MPPED2: variants seen among roughly 807,000 people sequenced by gnomAD.
MPPED2 encodes metallophosphoesterase MPPED2.
Under a neutral mutation model 33.0 loss-of-function variants are expected in MPPED2, and 5 were observed. That is an observed-to-expected ratio of 0.15 (90% CI 0.08 to 0.32). The LOEUF (loss-of-function observed/expected upper bound fraction) is 0.32. MPPED2 is among the 10% of genes least tolerant of loss of function. The pLI is 1.00. For synonymous variants in MPPED2, 136 were observed against 141.9 expected (o/e 0.96, Z 0.29); for missense variants, 275 against 372.1 (o/e 0.74, Z 2.15).
chr11:30,528,694 A>G (rs940679691), intron 3 of MPPED2, among the ~76,000 whole-genome samples: 5 of 152,274 alleles, frequency 3.3e-5, no homozygotes, highest in African/African-American at 1.2e-4. Flanking sequence ...CCTGGGCTCA[A>G]GTGATCCTTA....
intron 3 of MPPED2, among the ~76,000 whole-genome samples, chr11:30,496,224 C>T (rs897726519): frequency 1.3e-5 from 2 of 152,014 alleles, no homozygotes; most frequent in African/African-American, 2.4e-5. Flanking sequence ...CAAAAGTTTC[C>T]TGATCAAAAT....
chr11:30,482,622 C>T (rs1951540185), intron 4 of MPPED2, among the ~76,000 whole-genome samples: 1 of 152,004 alleles, frequency 6.6e-6, no homozygotes, highest in Non-Finnish European at 1.5e-5. Context: ...CTTTTTTGGT[C>T]TCGTTCAGAT....
At chr11:30,570,803 T>C (rs1040706057) in intron 2 of MPPED2, among the ~76,000 whole-genome samples, 1 of 152,232 alleles carries the variant, frequency 6.6e-6, no homozygotes, top group African/African-American at 2.4e-5. Flanking sequence ...TGAAACTTGG[T>C]CCTTGGCCCA....
chr11:30,512,425 A>C (rs1035604410), intron 3 of MPPED2, among the ~76,000 whole-genome samples: 10 of 152,306 alleles, frequency 6.6e-5, no homozygotes, highest in Middle Eastern at 6.8e-3. Flanking sequence ...AGTGGGGTCA[A>C]GGGAAAACTT....
chr11:30,465,969 C>A (rs1016680347), intron 4 of MPPED2, among the ~76,000 whole-genome samples: 2 of 152,194 alleles, frequency 1.3e-5, no homozygotes, highest in East Asian at 1.9e-4. Flanking sequence ...ATAGTAATTA[C>A]AAGGCCTTCC....
chr11:30,527,972 C>A (rs146276945), intron 3 of MPPED2, among the ~76,000 whole-genome samples: 123 of 152,334 alleles, frequency 8.1e-4, no homozygotes, highest in African/African-American at 2.9e-3. Flanking sequence ...AACTTCACAG[C>A]AATCTTTAGA....
At chr11:30,474,488 G>A (rs558784) in intron 4 of MPPED2, among the ~76,000 whole-genome samples, 16 of 152,078 alleles carry the variant, frequency 1.1e-4, no homozygotes, top group African/African-American at 2.4e-4. Context: ...GTGTGGTACC[G>A]ATGGGGTCCA....
In MPPED2 at chr11:30,574,150, G is replaced by A. The variant is rs571257543; in HGVS notation, c.128+6096C>T. Among the ~76,000 whole-genome samples the A allele has an allele frequency of 4.6e-5, 7 of 152,198 alleles. No individual in the cohort carries two copies. The East Asian group carries it at 9.7e-4, about 21-fold the overall frequency. On this transcript the variant is annotated intron_variant, in intron 2 of 6. Coordinates refer to ENST00000358117, the MANE Select transcript of MPPED2 (RefSeq NM_001584.3). ...TCCTAGGCCTTCACATTTACTCACC[G>A]CTGACTCACTGACTCACTCAGAGCA...
At chr11:30,478,177 A>G (rs1268079548) in intron 4 of MPPED2, among the ~76,000 whole-genome samples, 1 of 151,898 alleles carries the variant, frequency 6.6e-6, no homozygotes, top group Non-Finnish European at 1.5e-5. Flanking sequence ...GCTTCTGTGC[A>G]CCTCCAAAGC....
rs561138300 is a variant in MPPED2 at position 30,567,003 on chromosome 11, C to T, written c.128+13243G>A. ...ACATTCTTTTGTGACTCAAAGTTTA[C>T]GGCCACGGATCAGCCTGTTGTTCTC... On this transcript the variant is annotated intron_variant, in intron 2 of 6. Transcript: ENST00000358117. 7.2e-5 allele frequency among the ~76,000 whole-genome samples: 11 copies of T among 152,254 alleles called. No homozygotes were observed. In the South Asian group the frequency reaches 1.2e-3, roughly 17 times the overall value.
chr11:30,444,864 C>T (rs749463379), intron 4 of MPPED2, among the ~76,000 whole-genome samples: 8 of 152,212 alleles, frequency 5.3e-5, no homozygotes, highest in African/African-American at 1.9e-4. Context: ...AGCCCCTGCA[C>T]TACCTTAATT....
In MPPED2 at chr11:30,399,347, A is replaced by C. The variant is rs557290799; in HGVS notation, c.767-10391T>G. Among the ~76,000 whole-genome samples the C allele has an allele frequency of 2.0e-5, 3 of 152,330 alleles. No individual in the cohort carries two copies. In the South Asian group the frequency reaches 6.2e-4, roughly 32 times the overall value. ...TTATTAGCCTAAGAATTGCCAAATTACAAAGGTAAGAAAAAAATATATGTT... is the reference window on the plus strand; with the variant it reads ...TTATTAGCCTAAGAATTGCCAAATTCCAAAGGTAAGAAAAAAATATATGTT... On this transcript the variant is annotated intron_variant, in intron 6 of 6. Transcript: ENST00000448418.
At chr11:30,488,816 G>A (rs1410424703) in intron 4 of MPPED2, among the ~76,000 whole-genome samples, 1 of 152,060 alleles carries the variant, frequency 6.6e-6, no homozygotes, top group Non-Finnish European at 1.5e-5. Context: ...GTTACCCTGG[G>A]CCTTTAAACA....
downstream of MPPED2, among the ~76,000 whole-genome samples, chr11:30,408,049 G>A (rs185378699): frequency 7.9e-5 from 12 of 152,178 alleles, no homozygotes; most frequent in Non-Finnish European, 1.5e-4. Context: ...GAACTCATAT[G>A]GCACTTAGAA....
chr11:30,466,747 A>T (rs1300172089), intron 4 of MPPED2, among the ~76,000 whole-genome samples: 1 of 152,224 alleles, frequency 6.6e-6, no homozygotes, highest in Admixed American at 6.5e-5. Context: ...AATTCAACTG[A>T]AACAGTGCTT....
In MPPED2 at chr11:30,455,630, G is replaced by A. The variant is rs192729587; in HGVS notation, c.537-37997C>T. Among the ~76,000 whole-genome samples the A allele has an allele frequency of 1.4e-4, 21 of 152,210 alleles. 1 individual carries two copies. In the Middle Eastern group the frequency reaches 0.01, roughly 74 times the overall value. On this transcript the variant is annotated intron_variant, in intron 4 of 6. Coordinates refer to ENST00000358117, the MANE Select transcript of MPPED2 (RefSeq NM_001584.3). Reference sequence around the variant, plus strand: ...CCAAAAGGTGGCTTCTACAACTTACGCTTTCCTCCCCATATGGGATGGTAG... The same window carrying A: ...CCAAAAGGTGGCTTCTACAACTTACACTTTCCTCCCCATATGGGATGGTAG...
chr11:30,552,744 C>T (rs1048434982), intron 2 of MPPED2, among the ~76,000 whole-genome samples: 10 of 152,116 alleles, frequency 6.6e-5, no homozygotes, highest in African/African-American at 2.4e-4. Flanking sequence ...TAACCATTTC[C>T]CTTTGCTATA....
chr11:30,442,424 G>A (rs924337961), intron 4 of MPPED2, among the ~76,000 whole-genome samples: 1 of 152,206 alleles, frequency 6.6e-6, no homozygotes, highest in Non-Finnish European at 1.5e-5. Flanking sequence ...GGACAGCAGG[G>A]AAAACGGGAG....
chr11:30,557,264 T>A (rs1956015287), intron 2 of MPPED2, among the ~76,000 whole-genome samples: 1 of 149,616 alleles, frequency 6.7e-6, no homozygotes, highest in Non-Finnish European at 1.5e-5. Context: ...GTATTTGCTA[T>A]TTCATTTATA....
Sources: gnomAD v4.1 joint callset for allele counts (sites outside exome capture counted in the v4.1 genomes callset) on GRCh38, gnomAD v4.1.1 for gene constraint, MANE v1.5 for transcripts, NCBI Gene and HGNC (gene_info 2026-07-23, HGNC 2026-07-21) for gene names.